CBFA2T2: variants seen among roughly 807,000 people sequenced by gnomAD.
CBFA2T2 encodes protein CBFA2T2.
A neutral mutation model predicts 62.2 loss-of-function variants in CBFA2T2; 11 were observed. That is an observed-to-expected ratio of 0.18 (90% confidence interval 0.11 to 0.29). The LOEUF (loss-of-function observed/expected upper bound fraction) is 0.29. CBFA2T2 is among the 10% of genes least tolerant of loss of function. The pLI is 1.00. For missense variants in CBFA2T2, 592 were observed against 774.1 expected (o/e 0.76, Z 2.79); for synonymous variants, 295 against 287.5 (o/e 1.03, Z -0.27).
In CBFA2T2 at chr20:33,529,346, G is replaced by A. The variant is rs1179329829; in HGVS notation, c.34+39045G>A. On this transcript the variant is annotated intron_variant, in intron 1 of 10. Coordinates refer to ENST00000342704, the MANE Select transcript of CBFA2T2 (RefSeq NM_001032999.3). ...AGTGCACCAGTTATTTTTACCTTACGACATTTTCTCACAGATTCATGTTCT... is the reference window on the plus strand; with the variant it reads ...AGTGCACCAGTTATTTTTACCTTACAACATTTTCTCACAGATTCATGTTCT... Among the ~76,000 whole-genome samples the A allele has an allele frequency of 5.3e-5, 8 of 151,946 alleles. No homozygotes were observed. In the South Asian group the frequency reaches 1.7e-3, roughly 32 times the overall value.
At chr20:33,502,203 ATATT>A (rs535850674) in intron 1 of CBFA2T2, among the ~76,000 whole-genome samples, 86 of 152,246 alleles carry the variant, frequency 5.6e-4, no homozygotes, top group African/African-American at 2.0e-3. Flanking sequence ...TTGTGTATAT[ATATT>A]AATATGGATT....
chr20:33,578,712 G>A (rs895241195), intron 1 of CBFA2T2, among the ~76,000 whole-genome samples: 1 of 152,132 alleles, frequency 6.6e-6, no homozygotes, highest in Non-Finnish European at 1.5e-5. Flanking sequence ...TGTTACTTTG[G>A]CATAAGGCCC....
At chr20:33,546,987 G>C (rs185893936) in intron 1 of CBFA2T2, among the ~76,000 whole-genome samples, 149 of 152,064 alleles carry the variant, frequency 9.8e-4, no homozygotes, top group Admixed American at 3.5e-3. Context: ...AATCATCTGA[G>C]GTCAGGAGTT....
chr20:33,498,663 C>T (rs2011231471), intron 1 of CBFA2T2, among the ~76,000 whole-genome samples: 1 of 152,070 alleles, frequency 6.6e-6, no homozygotes, highest in Admixed American at 6.6e-5. Flanking sequence ...GTAGGAGGAT[C>T]GCTTGAGCCC....
At chr20:33,567,109 A>T (rs1388333014) in intron 1 of CBFA2T2, among the ~76,000 whole-genome samples, 1 of 152,228 alleles carries the variant, frequency 6.6e-6, no homozygotes, top group Admixed American at 6.5e-5. Context: ...TCACTGGCTG[A>T]TGGACTTTCC....
chr20:33,602,047 G>C (rs986454158), intron 1 of CBFA2T2: 3 of 152,068 alleles, frequency 2.0e-5, no homozygotes, highest in African/African-American at 7.2e-5. Flanking sequence ...GCTTATCCTC[G>C]TGTCTAGCAA....
chr20:33,584,258 ACTTTTTTTTTT>A (rs775643634), intron 1 of CBFA2T2, among the ~76,000 whole-genome samples: 3 of 143,682 alleles, frequency 2.1e-5, no homozygotes, highest in African/African-American at 7.7e-5. Context: ...AGATTAAGTG[ACTTTTTTTTTT>A]CTTTTTTTTT....
Position 33,631,089 on chromosome 20 carries a change from C to T in CBFA2T2, c.1228+1175C>T, listed in dbSNP as rs151106984. 6.0e-3 allele frequency among the ~76,000 whole-genome samples: 911 copies of T among 152,078 alleles called. 8 individuals are homozygous for T. The highest frequency in any genetic ancestry group is 0.01 in the Middle Eastern group (3 of 294). ...CAGCACTTTCGGAGGCTGAGGTGGG[C>T]AGATCACAGGGTCAGGAGATCGAGA... On this transcript the variant is annotated intron_variant, in intron 8 of 10. Coordinates refer to ENST00000342704, the MANE Select transcript of CBFA2T2 (RefSeq NM_001032999.3).
At chr20:33,623,965 AAAAG>A (rs1290983075) in intron 5 of CBFA2T2, 69 of 597,736 alleles carry the variant, frequency 1.2e-4, no homozygotes, top group Middle Eastern at 2.8e-4. Flanking sequence ...AAAAAAAAAA[AAAAG>A]AAAAGAAAAG....
chr20:33,553,800 G>A (rs1363006858), intron 1 of CBFA2T2, among the ~76,000 whole-genome samples: 5 of 152,002 alleles, frequency 3.3e-5, no homozygotes, highest in African/African-American at 1.2e-4. Flanking sequence ...TCCCCTCTTA[G>A]GGTTTTTTGA....
At chr20:33,548,048 G>A (rs2012630471) in intron 1 of CBFA2T2, among the ~76,000 whole-genome samples, 1 of 151,524 alleles carries the variant, frequency 6.6e-6, no homozygotes, top group Non-Finnish European at 1.5e-5. Flanking sequence ...TGGGATTACA[G>A]GCATGAGCCA....
chr20:33,536,747 C>G (rs887758042), intron 1 of CBFA2T2, among the ~76,000 whole-genome samples: 1 of 150,182 alleles, frequency 6.7e-6, no homozygotes, highest in Non-Finnish European at 1.5e-5. Context: ...GGGGCAGAGG[C>G]GCTCCCCACA....
chr20:33,634,519 A>G (rs560429651), intron 8 of CBFA2T2, among the ~76,000 whole-genome samples: 1 of 152,092 alleles, frequency 6.6e-6, no homozygotes, highest in East Asian at 1.9e-4. Flanking sequence ...AAAAAATATG[A>G]AAATTAGCTG....
Position 33,606,950 on chromosome 20 carries a change from C to A in CBFA2T2, c.35-6C>A. 1 of 1,612,492 alleles carries A rather than the reference C, an allele frequency of 6.2e-7. No homozygotes were observed. The highest frequency in any genetic ancestry group is 8.5e-7 in the Non-Finnish European group (1 of 1,179,102). On this transcript the variant is annotated splice_region_variant and splice_polypyrimidine_tract_variant and intron_variant, in intron 1 of 10. Transcript: ENST00000342704. The stretch of plus-strand genomic sequence containing the variant: ...CCCTAACCTCCATTTCTCTGATTCT[C>A]TGCAGTTGGTCCTGAGAAAAGGGTG...
At chr20:33,502,000 G>C (rs2011293845) in intron 1 of CBFA2T2, among the ~76,000 whole-genome samples, 1 of 152,000 alleles carries the variant, frequency 6.6e-6, no homozygotes, top group Non-Finnish European at 1.5e-5. Flanking sequence ...TTGTTGCCCA[G>C]GCTGATCTCA....
intron 1 of CBFA2T2, 24 bp downstream of exon 1, chr20:33,490,325 G>C: frequency 1.6e-6 from 2 of 1,278,804 alleles, no homozygotes; most frequent in Non-Finnish European, 2.0e-6. Flanking sequence ...GAATGCGGGC[G>C]GCCGAGGGGG....
chr20:33,554,854 A>G (rs1019844079), intron 1 of CBFA2T2, among the ~76,000 whole-genome samples: 2 of 151,976 alleles, frequency 1.3e-5, no homozygotes, highest in Non-Finnish European at 2.9e-5. Context: ...TCTGTTTTCT[A>G]TTAATTTAGA....
At chr20:33,499,074 ATTGAGT>A (rs2011238332) in intron 1 of CBFA2T2, among the ~76,000 whole-genome samples, 1 of 151,646 alleles carries the variant, frequency 6.6e-6, no homozygotes, top group Admixed American at 6.6e-5. Flanking sequence ...AAGCAGAGAG[ATTGAGT>A]TTAAGCTTGT....
rs191897785 is a variant in CBFA2T2, at chr20:33,492,547, C to T, written c.34+2246C>T. On this transcript the variant is annotated intron_variant, in intron 1 of 10. Transcript: ENST00000342704. ...TTTTCCTTTTTTTGAGACAGTCTCTCTCTGTCACCCAGACTGGAGTGCAGT... is the reference window on the plus strand; with the variant it reads ...TTTTCCTTTTTTTGAGACAGTCTCTTTCTGTCACCCAGACTGGAGTGCAGT... Among the ~76,000 whole-genome samples the T allele has an allele frequency of 2.0e-3, 297 of 152,022 alleles. 1 individual carries two copies. Among genetic ancestry groups the T allele is most frequent in the African/African-American group, 7.0e-3 (292 of 41,430 alleles).
Sources: gnomAD v4.1 joint callset for allele counts (sites outside exome capture counted in the v4.1 genomes callset) on GRCh38, gnomAD v4.1.1 for gene constraint, MANE v1.5 for transcripts, NCBI Gene and HGNC (gene_info 2026-07-23, HGNC 2026-07-21) for gene names.